FNDC3B: variants seen among roughly 807,000 people sequenced by gnomAD.
FNDC3B encodes fibronectin type III domain containing 3B, also known as fibronectin type III domain-containing protein 3B.
Under a neutral mutation model 151.5 loss-of-function variants are expected in FNDC3B, and 12 were observed. That is an observed-to-expected ratio of 0.08 (90% CI 0.05 to 0.13). The LOEUF is 0.13. Ranked by LOEUF, FNDC3B falls within the 10% of genes least tolerant of loss-of-function variation. FNDC3B has a pLI of 1.00. For synonymous variants in FNDC3B, 528 were observed against 549.0 expected (o/e 0.96, Z 0.54); for missense variants, 1,214 against 1,505.3 (o/e 0.81, Z 3.20).
chr3:172,167,820 G>A (rs1390204338), intron 3 of FNDC3B, among the ~76,000 whole-genome samples: 1 of 152,154 alleles, frequency 6.6e-6, no homozygotes, highest in Admixed American at 6.5e-5. Context: ...GATCTAGGTT[G>A]CGTACTCCTT....
At chr3:172,160,509 G>C (rs1722713647) in intron 3 of FNDC3B, among the ~76,000 whole-genome samples, 1 of 152,220 alleles carries the variant, frequency 6.6e-6, no homozygotes, top group Non-Finnish European at 1.5e-5. Context: ...TAACAATCAA[G>C]GGCATGAATA....
At chr3:172,194,199 A>G (rs1310547776) in intron 3 of FNDC3B, among the ~76,000 whole-genome samples, 5 of 152,244 alleles carry the variant, frequency 3.3e-5, no homozygotes, top group East Asian at 3.9e-4. Flanking sequence ...CAGCCTGGGC[A>G]ACAGAGCAAG....
chr3:172,122,279 G>A (rs1242573442), intron 2 of FNDC3B, among the ~76,000 whole-genome samples: 4 of 88,188 alleles, frequency 4.5e-5, no homozygotes, highest in Non-Finnish European at 1.1e-4. Context: ...ACTCATTCTC[G>A]TTCTTTTTTT....
chr3:172,088,349 C>T (rs986753739), intron 1 of FNDC3B, among the ~76,000 whole-genome samples: 1 of 152,206 alleles, frequency 6.6e-6, no homozygotes, highest in East Asian at 1.9e-4. Context: ...AAACCTAACT[C>T]CTGCAGCTAG....
chr3:172,247,742 G>A lies in FNDC3B; in HGVS notation c.474G>A (p.Gln158=), dbSNP rs1236130717. ...PGDMPPQFFP[Q]HHLPHTIYGE... ...ATATGCCGCCTCAGTTTTTTCCCCAGCATCATCTTCCCCACACAATATATG... is the reference window on the plus strand; with the variant it reads ...ATATGCCGCCTCAGTTTTTTCCCCAACATCATCTTCCCCACACAATATATG... Residue 158 remains glutamine (Q), a synonymous_variant, in exon 5 of 26, where the codon CAG becomes CAA. Transcript: ENST00000415807. 4.3e-6 allele frequency: 7 copies of A among 1,614,078 alleles called. No individual in the cohort carries two copies. The South Asian group carries it at 5.5e-5, about 13-fold the overall frequency.
intron 7 of FNDC3B, 92 bp from the exon 8 acceptor site, chr3:172,295,271 G>C (rs1730546318): frequency 8.3e-7 from 1 of 1,201,736 alleles, no homozygotes; most frequent in Non-Finnish European, 1.2e-6. Context: ...GTTTACCTTG[G>C]ATTAACTGTG....
At chr3:172,233,169 A>G (rs1726972756) in intron 4 of FNDC3B, among the ~76,000 whole-genome samples, 1 of 152,230 alleles carries the variant, frequency 6.6e-6, no homozygotes, top group Non-Finnish European at 1.5e-5. Flanking sequence ...CATTTGCTCA[A>G]ATGTTATAGG....
At chr3:172,120,150 C>G (rs1387873824) in intron 2 of FNDC3B, among the ~76,000 whole-genome samples, 1 of 152,174 alleles carries the variant, frequency 6.6e-6, no homozygotes, top group Non-Finnish European at 1.5e-5. Flanking sequence ...TATGGCAGCT[C>G]TGAGCTGTCT....
intron 3 of FNDC3B, among the ~76,000 whole-genome samples, chr3:172,177,079 A>G (rs1410340320): frequency 6.6e-6 from 1 of 152,204 alleles, no homozygotes; most frequent in Non-Finnish European, 1.5e-5. Context: ...ACTTGATCAG[A>G]TATTGGAGAT....
intron 4 of FNDC3B, among the ~76,000 whole-genome samples, chr3:172,233,706 C>A (rs1386903206): frequency 1.3e-5 from 2 of 152,172 alleles, no homozygotes; most frequent in Non-Finnish European, 2.9e-5. Context: ...AAAATGATAA[C>A]AGAAAGGCAC....
chr3:172,172,630 C>A (rs1189221755), intron 3 of FNDC3B, among the ~76,000 whole-genome samples: 1 of 152,176 alleles, frequency 6.6e-6, no homozygotes, highest in Non-Finnish European at 1.5e-5. Flanking sequence ...GTTCCAAGAA[C>A]TTGCTTGCCT....
intron 2 of FNDC3B, among the ~76,000 whole-genome samples, chr3:172,115,263 G>C (rs145817400): frequency 3.3e-5 from 5 of 152,302 alleles, no homozygotes; most frequent in Non-Finnish European, 4.4e-5. Flanking sequence ...CCTGTGGGTT[G>C]AACCCAGGTG....
At chr3:172,148,892 C>T (rs1722070835) in intron 3 of FNDC3B, among the ~76,000 whole-genome samples, 1 of 152,202 alleles carries the variant, frequency 6.6e-6, no homozygotes, top group Admixed American at 6.5e-5. Context: ...CAGGCTCCAT[C>T]TCAGATGTAA....
chr3:172,372,993 A>C (rs1488784238), intron 23 of FNDC3B, among the ~76,000 whole-genome samples: 3 of 152,168 alleles, frequency 2.0e-5, no homozygotes, highest in African/African-American at 4.8e-5. Flanking sequence ...CCTGGGTCCA[A>C]GTCCCTGTGC....
At chr3:172,111,242 C>T (rs114881946) in intron 1 of FNDC3B, among the ~76,000 whole-genome samples, 4,653 of 152,104 alleles carry the variant, frequency 0.031, 222 homozygotes, top group African/African-American at 0.097. Flanking sequence ...CATCATTTGA[C>T]CTGTTCATAG....
At chr3:172,316,677 T>C (rs1440482576) in intron 11 of FNDC3B, among the ~76,000 whole-genome samples, 1 of 152,266 alleles carries the variant, frequency 6.6e-6, no homozygotes, top group Admixed American at 6.5e-5. Flanking sequence ...TAACTGGTGC[T>C]GCTGCAGCTG....
intron 1 of FNDC3B, among the ~76,000 whole-genome samples, chr3:172,074,537 C>T (rs1401311998): frequency 6.6e-6 from 1 of 152,124 alleles, no homozygotes; most frequent in African/African-American, 2.4e-5. Flanking sequence ...CTAGAGTCAG[C>T]GAGATTTCTT....
rs184784905 is a variant in FNDC3B, at chr3:172,293,425, A to G, written c.850-1938A>G. Among the ~76,000 whole-genome samples, 166 of 152,330 alleles carry G rather than the reference A, an allele frequency of 1.1e-3. 3 individuals carry two copies. Among genetic ancestry groups the G allele is most frequent in the Admixed American group, 8.5e-3 (130 of 15,312 alleles). On this transcript the variant is annotated intron_variant, in intron 7 of 25. Transcript: ENST00000415807. Reference sequence around the variant, plus strand: ...TAATGCAAGCCTACCATCTTCTGATAGTCTGTGTCAGAAACTCAGACTATC... The same window carrying G: ...TAATGCAAGCCTACCATCTTCTGATGGTCTGTGTCAGAAACTCAGACTATC...
In FNDC3B at chr3:172,378,415, A is replaced by G. The variant is rs771544399; in HGVS notation, c.3154A>G (p.Ser1052Gly). Residue 1052 changes from serine (S) to glycine (G), a missense_variant, in exon 24 of 26, where the codon AGT (serine) becomes GGT (glycine). By Grantham distance (56) the Ser-to-Gly change is moderately conservative (BLOSUM62 0). This residue lies in a region of FNDC3B where 284 missense variants were observed against 392.4 expected (regional missense o/e 0.72). Transcript: ENST00000415807. ...SETYTFSTTK[S>G]VPPTIKAPRV... is the part of the protein sequence containing the mutation. ...AACCTATACCTTCAGCACAACCAAA[A>G]GTGTCCCCCCCACCATCAAAGGTGT... 1.9e-6 allele frequency: 3 copies of G among 1,612,482 alleles called. No individual in the cohort carries two copies. Among genetic ancestry groups the G allele is most frequent in the Admixed American group, 1.7e-5 (1 of 59,638 alleles).
Sources: gnomAD v4.1 joint callset for allele counts (sites outside exome capture counted in the v4.1 genomes callset) on GRCh38, gnomAD v4.1.1 for gene constraint, gnomAD v4.1.1 regional missense constraint, MANE v1.5 for transcripts, NCBI Gene and HGNC (gene_info 2026-07-23, HGNC 2026-07-21) for gene names.